NRXN3: variants seen among roughly 807,000 people sequenced by gnomAD.
NRXN3 encodes the protein neurexin 3.
NRXN3 carries 32 observed loss-of-function variants against 137.6 expected under a neutral mutation model. That is an observed-to-expected ratio of 0.23 (90% CI 0.18 to 0.31). The LOEUF is 0.31. Among genes scored for constraint, NRXN3 ranks in the 10% least tolerant of loss-of-function variants. NRXN3 has a pLI of 1.00. For missense variants in NRXN3, 1,574 were observed against 2,062.5 expected (o/e 0.76, Z 4.59); for synonymous variants, 798 against 784.5 (o/e 1.02, Z -0.29).
intron 10 of NRXN3, among the ~76,000 whole-genome samples, chr14:78,894,812 C>T (rs1230692263): frequency 6.6e-6 from 1 of 150,956 alleles, no homozygotes; most frequent in Non-Finnish European, 1.5e-5. Context: ...ATGAAAGCCA[C>T]ATTAATCTTC....
At chr14:78,456,062 C>T (rs2094691676) in intron 4 of NRXN3, among the ~76,000 whole-genome samples, 1 of 152,226 alleles carries the variant, frequency 6.6e-6, no homozygotes, top group Non-Finnish European at 1.5e-5. Context: ...CCCTGTTGTC[C>T]ATCCTGCCTC....
At chr14:79,247,225 C>T (rs2075316163) in intron 15 of NRXN3, 1 of 152,096 alleles carries the variant, frequency 6.6e-6, no homozygotes, top group South Asian at 2.1e-4. Flanking sequence ...CCCCTGCTAC[C>T]TAAATATCTT....
chr14:79,003,975 TGGA>T (rs1392608413), intron 15 of NRXN3, among the ~76,000 whole-genome samples: 2 of 152,132 alleles, frequency 1.3e-5, no homozygotes, highest in African/African-American at 4.8e-5. Context: ...AGGGGGTTGG[TGGA>T]GAAAGAATTC....
chr14:79,232,354 A>G (rs1214287692), intron 15 of NRXN3, among the ~76,000 whole-genome samples: 1 of 152,132 alleles, frequency 6.6e-6, no homozygotes, highest in Non-Finnish European at 1.5e-5. Context: ...GTCAGTTTTT[A>G]AGGCACAAAA....
Position 78,524,192 on chromosome 14 carries a change from A to ATT in NRXN3, c.758-120927_758-120926insTT, listed in dbSNP as rs564175175. ...GTACTAATCTCAGAAATCTTAGTGT[A>ATT]TGTTTTTTTTTGTCTTTACTGGATA... On this transcript the variant is annotated intron_variant, in intron 4 of 20. Transcript: ENST00000335750. Among the ~76,000 whole-genome samples the ATT allele has an allele frequency of 2.9e-3, 442 of 152,136 alleles. 2 individuals carry two copies. The highest frequency in any genetic ancestry group is 0.01 in the African/African-American group (419 of 41,508).
intron 15 of NRXN3, among the ~76,000 whole-genome samples, chr14:79,265,475 G>A (rs2078326760): frequency 6.6e-6 from 1 of 151,876 alleles, no homozygotes; most frequent in Admixed American, 6.6e-5. Context: ...AAATGTTCAA[G>A]AAGAAGATTT....
intron 16 of NRXN3, among the ~76,000 whole-genome samples, chr14:79,534,410 A>G (rs28645851): frequency 0.041 from 6,242 of 152,276 alleles, 417 homozygotes; most frequent in African/African-American, 0.14. Flanking sequence ...TTTTATATCT[A>G]AAGCATCCAA....
chr14:79,049,813 C>T (rs1349722458), intron 15 of NRXN3, among the ~76,000 whole-genome samples: 2 of 151,992 alleles, frequency 1.3e-5, no homozygotes, highest in African/African-American at 4.8e-5. Context: ...TACCTAAAAT[C>T]ATGGGCTCCA....
intron 16 of NRXN3, among the ~76,000 whole-genome samples, chr14:79,634,879 G>A (rs1403068109): frequency 6.6e-6 from 1 of 152,092 alleles, no homozygotes; most frequent in African/African-American, 2.4e-5. Flanking sequence ...TTCTAAGATC[G>A]ACCTTTTTAG....
chr14:79,205,305 T>C (rs1276158929), intron 15 of NRXN3, among the ~76,000 whole-genome samples: 1 of 152,226 alleles, frequency 6.6e-6, no homozygotes, highest in Admixed American at 6.5e-5. Flanking sequence ...TTTTCAATTC[T>C]AATTAACATT....
intron 2 of NRXN3, among the ~76,000 whole-genome samples, chr14:78,248,899 C>T (rs2068139874): frequency 6.6e-6 from 1 of 152,162 alleles, no homozygotes; most frequent in Admixed American, 6.5e-5. Flanking sequence ...ATGGGACCAG[C>T]CTGACTCTCC....
chr14:79,767,695 T>TA (rs993720306), intron 19 of NRXN3, among the ~76,000 whole-genome samples: 2 of 152,056 alleles, frequency 1.3e-5, no homozygotes, highest in South Asian at 2.1e-4. Context: ...CACTGAGGAA[T>TA]AAAAAAAGTA....
intron 10 of NRXN3, among the ~76,000 whole-genome samples, chr14:78,946,066 T>A (rs1468979681): frequency 6.6e-6 from 1 of 152,180 alleles, no homozygotes; most frequent in Admixed American, 6.5e-5. Flanking sequence ...GCAAATATTG[T>A]CAAAAATAAT....
intron 15 of NRXN3, among the ~76,000 whole-genome samples, chr14:79,067,123 A>C (rs144042627): frequency 6.6e-6 from 1 of 152,066 alleles, no homozygotes; most frequent in Non-Finnish European, 1.5e-5. Flanking sequence ...GACTCTTACT[A>C]TTTTGAGATA....
At chr14:78,188,381 G>A (rs1328053300) in intron 1 of NRXN3, among the ~76,000 whole-genome samples, 2 of 152,188 alleles carry the variant, frequency 1.3e-5, no homozygotes, top group African/African-American at 4.8e-5. Context: ...TCCAGGGAGG[G>A]AACTGGAAAG....
At chr14:78,675,695 T>C (rs1209039881) in intron 6 of NRXN3, among the ~76,000 whole-genome samples, 6 of 152,198 alleles carry the variant, frequency 3.9e-5, no homozygotes, top group African/African-American at 1.2e-4. Flanking sequence ...GAAACAACTA[T>C]CCTGAAGTTT....
At chr14:78,249,886 T>C (rs2068315163) in intron 2 of NRXN3, among the ~76,000 whole-genome samples, 1 of 152,118 alleles carries the variant, frequency 6.6e-6, no homozygotes, top group Admixed American at 6.5e-5. Context: ...GGGAAAACGA[T>C]CCGGACTTAA....
At chr14:78,533,136 G>C (rs2096491952) in intron 4 of NRXN3, among the ~76,000 whole-genome samples, 1 of 123,014 alleles carries the variant, frequency 8.1e-6, no homozygotes, top group Non-Finnish European at 1.6e-5. Flanking sequence ...GTCTTGCTCT[G>C]TCGCCCAGGG....
intron 15 of NRXN3, among the ~76,000 whole-genome samples, chr14:79,028,318 G>A (rs996404600): frequency 4.6e-5 from 7 of 152,198 alleles, no homozygotes; most frequent in East Asian, 3.9e-4. Context: ...CCATTACAGC[G>A]CTAAGTGGTC....
Sources: allele counts gnomAD v4.1 joint callset (sites outside exome capture counted in the v4.1 genomes callset), GRCh38; gene constraint gnomAD v4.1.1; transcripts MANE v1.5; gene names NCBI Gene and HGNC (gene_info 2026-07-23, HGNC 2026-07-21).